Variants in LSAMP observed in about 807,000 individuals in gnomAD.
LSAMP encodes limbic system-associated membrane protein.
A neutral mutation model predicts 38.6 loss-of-function variants in LSAMP; 7 were observed. The ratio of observed to expected loss-of-function variants is 0.18; its 90% confidence interval spans 0.10 to 0.34. The LOEUF is 0.34. Among genes scored for constraint, LSAMP ranks in the 10% least tolerant of loss-of-function variants. The pLI, the probability that LSAMP is intolerant of heterozygous loss-of-function variation, is 1.00. For missense variants in LSAMP, 313 were observed against 420.0 expected (o/e 0.75, Z 2.23); for synonymous variants, 154 against 166.8 (o/e 0.92, Z 0.59).
At chr3:116,108,121 C>T (rs1013898314) in intron 1 of LSAMP, among the ~76,000 whole-genome samples, 3 of 152,006 alleles carry the variant, frequency 2.0e-5, no homozygotes, top group South Asian at 2.1e-4. Flanking sequence ...GGTGCATGAT[C>T]GGTCGCCAAG....
At chr3:116,337,053 A>C (rs944698725) in intron 1 of LSAMP, among the ~76,000 whole-genome samples, 3 of 151,922 alleles carry the variant, frequency 2.0e-5, no homozygotes, top group Non-Finnish European at 4.4e-5. Context: ...AATTATGCTA[A>C]ATGAAATAAA....
Position 116,226,448 on chromosome 3 carries a change from A to G in LSAMP, c.156-139892T>C, listed in dbSNP as rs1026124977. 2.0e-5 allele frequency among the ~76,000 whole-genome samples: 3 copies of G among 152,170 alleles called. No homozygotes were observed. In the South Asian group the frequency reaches 6.2e-4, roughly 31 times the overall value. On this transcript the variant is annotated intron_variant, in intron 1 of 6. Transcript: ENST00000490035. ...TGATCTTTGCTAGAGGGATAAAGCC[A>G]TCTGTTTGCTCTGTTTTATCACCAG...
chr3:115,820,806 T>C (rs1355146382), intron 6 of LSAMP, among the ~76,000 whole-genome samples: 1 of 152,156 alleles, frequency 6.6e-6, no homozygotes, highest in Non-Finnish European at 1.5e-5. Flanking sequence ...CTAGATAAGA[T>C]TCTAGAGAGG....
intron 1 of LSAMP, among the ~76,000 whole-genome samples, chr3:116,256,345 G>A (rs1280720372): frequency 6.6e-6 from 1 of 152,130 alleles, no homozygotes; most frequent in Non-Finnish European, 1.5e-5. Flanking sequence ...GTGCACACAA[G>A]CGTGGAAAGA....
intron 1 of LSAMP, among the ~76,000 whole-genome samples, chr3:116,356,106 T>TATC (rs371770046): frequency 0.019 from 2,872 of 152,278 alleles, 86 homozygotes; most frequent in African/African-American, 0.064. Flanking sequence ...AAATCAGTGT[T>TATC]TCATAGAAGA....
chr3:116,019,551 C>A lies in LSAMP; in HGVS notation c.478G>T (p.Glu160Ter). The A allele has an allele frequency of 1.2e-6, 2 of 1,612,852 alleles. No homozygotes were observed. The highest frequency in any genetic ancestry group is 2.2e-5 in the South Asian group (2 of 91,038). Residue 160 changes from glutamate (E) to a stop codon, truncating the protein, a stop_gained, in exon 3 of 7, where the codon GAA becomes TAA. Coordinates refer to ENST00000490035, the MANE Select transcript of LSAMP (RefSeq NM_002338.5). LOFTEE classifies it high-confidence loss of function. Reference protein sequence around the residue: ...TLVCMANGRPEPVITWRHLTP... With the variant: ...TLVCMANGRP ...AGGTGTCTCCAGGTGATAACAGGTT[C>A]AGGACGGCCATTGGCCATGCAGACC...
Position 115,821,217 on chromosome 3 carries a change from T to TG in LSAMP, c.920-10804_920-10803insC, listed in dbSNP as rs1934227060. Among the ~76,000 whole-genome samples the TG allele has an allele frequency of 3.3e-5, 5 of 152,248 alleles. No homozygotes were observed. In the South Asian group the frequency reaches 6.2e-4, roughly 19 times the overall value. On this transcript the variant is annotated intron_variant, in intron 6 of 6. Coordinates refer to ENST00000490035, the MANE Select transcript of LSAMP (RefSeq NM_002338.5). Reference sequence around the variant, plus strand: ...AGATGCTCCATTGGAAACTCTACAGTTTATAGTTTGGGAACTCCCTCATTA... The same window carrying TG: ...AGATGCTCCATTGGAAACTCTACAGTGTTATAGTTTGGGAACTCCCTCATTA...
At chr3:116,001,888 C>T (rs1559915243) in intron 3 of LSAMP, among the ~76,000 whole-genome samples, 1 of 152,048 alleles carries the variant, frequency 6.6e-6, no homozygotes, top group African/African-American at 2.4e-5. Context: ...CTGCAAAGTC[C>T]CTTTTGCCAT....
intron 3 of LSAMP, among the ~76,000 whole-genome samples, chr3:116,011,920 C>T (rs1940338484): frequency 6.6e-6 from 1 of 152,150 alleles, no homozygotes; most frequent in Non-Finnish European, 1.5e-5. Context: ...GATTGTCCCC[C>T]TTGGCAAGGA....
At chr3:116,144,319 T>C (rs1353885348) in intron 1 of LSAMP, among the ~76,000 whole-genome samples, 1 of 151,944 alleles carries the variant, frequency 6.6e-6, no homozygotes, top group East Asian at 1.9e-4. Flanking sequence ...AGAGGATTGC[T>C]TGTGACCAGC....
At chr3:115,982,043 A>G (rs78757804) in intron 3 of LSAMP, among the ~76,000 whole-genome samples, 379 of 152,350 alleles carry the variant, frequency 2.5e-3, no homozygotes, top group African/African-American at 8.8e-3. Flanking sequence ...TTTTCTTTAC[A>G]TAATTTAACA....
At chr3:116,061,654 T>G (rs1223655633) in intron 2 of LSAMP, among the ~76,000 whole-genome samples, 1 of 152,238 alleles carries the variant, frequency 6.6e-6, no homozygotes, top group Non-Finnish European at 1.5e-5. Context: ...CACTATCACC[T>G]ATCACCATCA....
chr3:116,049,607 G>T (rs536518807), intron 2 of LSAMP, among the ~76,000 whole-genome samples: 1 of 152,182 alleles, frequency 6.6e-6, no homozygotes, highest in East Asian at 1.9e-4. Context: ...TGTTTTGAAT[G>T]GATATAAGAG....
At chr3:116,108,519 A>T (rs1264697554) in intron 1 of LSAMP, among the ~76,000 whole-genome samples, 2 of 152,056 alleles carry the variant, frequency 1.3e-5, no homozygotes, top group African/African-American at 4.8e-5. Flanking sequence ...TGTGAGAGTT[A>T]CCTGAAGCTC....
chr3:115,879,706 T>C (rs1469586879), intron 3 of LSAMP, among the ~76,000 whole-genome samples: 2 of 152,146 alleles, frequency 1.3e-5, no homozygotes, highest in African/African-American at 4.8e-5. Flanking sequence ...ATTGGCTAAT[T>C]GGCTAAGCCA....
At chr3:115,939,530 C>CCCTT (rs1553751052) in intron 3 of LSAMP, among the ~76,000 whole-genome samples, 1 of 99,620 alleles carries the variant, frequency 1.0e-5, no homozygotes, top group Non-Finnish European at 2.0e-5. Flanking sequence ...TGTTCTCTTT[C>CCCTT]TCTTTCTTTC....
chr3:115,953,305 A>T (rs1938349759), intron 3 of LSAMP, among the ~76,000 whole-genome samples: 1 of 152,096 alleles, frequency 6.6e-6, no homozygotes. Flanking sequence ...TACATATCCT[A>T]GTCATGAATG....
chr3:116,207,625 T>C (rs373513244), intron 1 of LSAMP, among the ~76,000 whole-genome samples: 2 of 151,886 alleles, frequency 1.3e-5, no homozygotes. Context: ...CTCAGCATTT[T>C]CTTGTCTGTA....
chr3:116,372,431 G>A (rs2048441413), intron 1 of LSAMP, among the ~76,000 whole-genome samples: 2 of 151,962 alleles, frequency 1.3e-5, no homozygotes, highest in Non-Finnish European at 1.5e-5. Flanking sequence ...GTGAATAAGG[G>A]ACCTAAATGT....
Sources: gnomAD v4.1 joint callset for allele counts (sites outside exome capture counted in the v4.1 genomes callset) on GRCh38, gnomAD v4.1.1 for gene constraint, MANE v1.5 for transcripts, NCBI Gene and HGNC (gene_info 2026-07-23, HGNC 2026-07-21) for gene names.